The following SOX30 variants were observed in gnomAD, a reference collection of about 807,000 sequenced individuals.
SOX30 encodes the protein transcription factor SOX-30.
SOX30 carries 17 observed loss-of-function variants against 58.6 expected under a neutral mutation model. That is an observed-to-expected ratio of 0.29 (90% CI 0.20 to 0.44). The LOEUF (loss-of-function observed/expected upper bound fraction) is 0.44. SOX30 is among the 20% of genes least tolerant of loss of function. SOX30 has a pLI of 1.00. For synonymous variants in SOX30, 421 were observed against 400.2 expected, an observed-to-expected ratio of 1.05 and a Z score of -0.62; for missense variants, 951 against 965.8, an observed-to-expected ratio of 0.98 and a Z score of 0.20.
At chr5:157,638,099 T>TG (rs1403899805) in intron 4 of SOX30, 131 bp downstream of exon 4, 1 of 895,952 alleles carries the variant, frequency 1.1e-6, no homozygotes, top group Admixed American at 3.1e-5. Flanking sequence ...GTTAACTGCT[T>TG]GGCTCCTAGT....
chr5:157,666,915 A>G (rs1759686511), intron 2 of SOX30, among the ~76,000 whole-genome samples: 1 of 152,156 alleles, frequency 6.6e-6, no homozygotes, highest in Non-Finnish European at 1.5e-5. Context: ...CATGTTGGCC[A>G]GGCTGGTCTC....
At chr5:157,664,942 G>T (rs1396453704) in intron 2 of SOX30, among the ~76,000 whole-genome samples, 3 of 152,210 alleles carry the variant, frequency 2.0e-5, no homozygotes, top group African/African-American at 7.2e-5. Flanking sequence ...AAAAAGTCAG[G>T]AAACAACAGG....
chr5:157,655,430 C>T (rs986230402), upstream of SOX30, among the ~76,000 whole-genome samples: 6 of 152,178 alleles, frequency 3.9e-5, no homozygotes, highest in South Asian at 4.1e-4. Flanking sequence ...AAGCCCCTCT[C>T]GGTAAAGTCC....
intron 1 of SOX30, among the ~76,000 whole-genome samples, chr5:157,649,677 C>T (rs1450823794): frequency 6.6e-6 from 1 of 152,092 alleles, no homozygotes; most frequent in East Asian, 1.9e-4. Flanking sequence ...GTAGTCCCAG[C>T]TACCTAGGAG....
Position 157,651,802 on chromosome 5 carries a change from C to T in SOX30, c.277G>A (p.Ala93Thr). 6.3e-7 allele frequency: 1 copy of T among 1,580,678 alleles called. No individual in the cohort carries two copies. The highest frequency in any genetic ancestry group is 8.6e-7 in the Non-Finnish European group (1 of 1,167,238). Residue 93 changes from alanine (A) to threonine (T), a missense_variant, in exon 1 of 5, where the codon GCC becomes ACC. Transcript: ENST00000265007. ...AACAGCCGCGCCTGCGCGGACGAGGCAGCGGCTTCCTCGTTCTGGGCCTGA... is the reference window on the plus strand; with the variant it reads ...AACAGCCGCGCCTGCGCGGACGAGGTAGCGGCTTCCTCGTTCTGGGCCTGA... ...QPQAQNEEAA[A>T]SSAQARLLQF... is the part of the protein sequence containing the mutation.
upstream of SOX30, among the ~76,000 whole-genome samples, chr5:157,654,532 A>G (rs1158431145): frequency 6.6e-6 from 1 of 152,182 alleles, no homozygotes; most frequent in Non-Finnish European, 1.5e-5. Flanking sequence ...AAAGAGGCAA[A>G]TAAGTTGTCA....
At position 157,625,690 on chromosome 5, in the gene SOX30, CTA is replaced by C. The variant is rs1176955817; in HGVS notation, c.*648_*649del. The C allele has an allele frequency of 1.3e-5, 2 of 152,494 alleles. No individual in the cohort carries two copies. The highest frequency in any genetic ancestry group is 2.4e-5 in the African/African-American group (1 of 41,416). The allele number at this position is 152,494 out of a possible 1,614,324, so 9.4% of individuals were successfully genotyped here. A position where few individuals can be genotyped will look rare whatever the true frequency, so the allele number is the denominator to read the frequency against. On this transcript the variant is annotated 3_prime_UTR_variant, in exon 5 of 5. Transcript: ENST00000265007. ...AAACATCCAACAAGAACAATTTTATCTATGTTTATTTAATTACAACAAAGAAC... is the reference window on the plus strand; with the variant it reads ...AAACATCCAACAAGAACAATTTTATCTGTTTATTTAATTACAACAAAGAAC...
At chr5:157,647,414 C>T (rs1218985477) in intron 2 of SOX30, among the ~76,000 whole-genome samples, 1 of 152,122 alleles carries the variant, frequency 6.6e-6, no homozygotes, top group Admixed American at 6.6e-5. Flanking sequence ...GTAGAGTCAA[C>T]ATCAAAACCG....
At chr5:157,671,299 C>T (rs772012914) in intron 1 of SOX30, 61 of 362,044 alleles carry the variant, frequency 1.7e-4, no homozygotes, top group Non-Finnish European at 2.3e-4. Flanking sequence ...GCAGTCCCCA[C>T]GTCGAAGCGG....
chr5:157,660,712 T>C (rs1397166079), intron 2 of SOX30, among the ~76,000 whole-genome samples: 1 of 152,110 alleles, frequency 6.6e-6, no homozygotes, highest in Non-Finnish European at 1.5e-5. Flanking sequence ...AGCTTTATGG[T>C]AAATTTTGAA....
intron 2 of SOX30, among the ~76,000 whole-genome samples, chr5:157,663,184 A>G (rs1422853579): frequency 1.3e-5 from 2 of 152,224 alleles, no homozygotes; most frequent in African/African-American, 4.8e-5. Flanking sequence ...CCTGATGAAC[A>G]TCAATGCAAA....
chr5:157,639,136 A>G (rs1759000075), intron 3 of SOX30, among the ~76,000 whole-genome samples: 1 of 152,180 alleles, frequency 6.6e-6, no homozygotes. Context: ...GCATATATAC[A>G]TTTAAAAATA....
chr5:157,669,921 C>T (rs758099237), intron 1 of SOX30, among the ~76,000 whole-genome samples: 9 of 152,158 alleles, frequency 5.9e-5, no homozygotes, highest in Non-Finnish European at 1.0e-4. Flanking sequence ...TAAATTCTAC[C>T]TGCCAACGCC....
chr5:157,659,801 G>A (rs1759544788), intron 2 of SOX30, among the ~76,000 whole-genome samples: 1 of 152,114 alleles, frequency 6.6e-6, no homozygotes, highest in African/African-American at 2.4e-5. Flanking sequence ...CTCAAATCAG[G>A]GCTTCCAGAT....
intron 4 of SOX30, among the ~76,000 whole-genome samples, chr5:157,633,837 CT>C (rs1758865888): frequency 6.6e-6 from 1 of 152,178 alleles, no homozygotes; most frequent in African/African-American, 2.4e-5. Context: ...CCCCATTTGT[CT>C]TCATATCTTT....
At chr5:157,639,130 A>G (rs1401525137) in intron 3 of SOX30, among the ~76,000 whole-genome samples, 1 of 152,166 alleles carries the variant, frequency 6.6e-6, no homozygotes, top group Non-Finnish European at 1.5e-5. Context: ...TGGTATGCAT[A>G]TATACATTTA....
chr5:157,654,389 A>T (rs1759428339), upstream of SOX30, among the ~76,000 whole-genome samples: 1 of 152,256 alleles, frequency 6.6e-6, no homozygotes, highest in African/African-American at 2.4e-5. Flanking sequence ...AGCAAATATT[A>T]CATTAGGATT....
At chr5:157,669,647 G>A (rs1759739165) in intron 1 of SOX30, among the ~76,000 whole-genome samples, 1 of 151,896 alleles carries the variant, frequency 6.6e-6, no homozygotes, top group Non-Finnish European at 1.5e-5. Flanking sequence ...CTCCCTAGTG[G>A]CTGGCATTAC....
At chr5:157,637,133 CAAAAAAA>C (rs1203322529) in intron 4 of SOX30, among the ~76,000 whole-genome samples, 1 of 62,842 alleles carries the variant, frequency 1.6e-5, no homozygotes. Context: ...AACTCCGCCT[CAAAAAAA>C]AAAAAAAAAA....
Sources: allele counts gnomAD v4.1 joint callset (sites outside exome capture counted in the v4.1 genomes callset), GRCh38; gene constraint gnomAD v4.1.1; transcripts MANE v1.5; gene names NCBI Gene and HGNC (gene_info 2026-07-23, HGNC 2026-07-21).